The following TNR variants were observed in gnomAD, a reference collection of about 807,000 sequenced individuals.
TNR encodes the protein tenascin R.
A neutral mutation model predicts 150.4 loss-of-function variants in TNR; 45 were observed. That is an observed-to-expected ratio of 0.30 (90% CI 0.24 to 0.38). TNR has a LOEUF of 0.38. Among genes scored for constraint, TNR ranks in the 10% least tolerant of loss-of-function variants. TNR has a pLI of 1.00. For missense variants in TNR, 1,544 were observed against 1,759.1 expected (o/e 0.88, Z 2.19); for synonymous variants, 687 against 678.4 (o/e 1.01, Z -0.20).
intron 8 of TNR, among the ~76,000 whole-genome samples, chr1:175,382,931 C>T (rs1652753494): frequency 6.6e-6 from 1 of 151,862 alleles, no homozygotes. Context: ...ATTATTGTCT[C>T]ACAGACTCAA....
At chr1:175,658,302 G>T (rs1555561) in intron 1 of TNR, among the ~76,000 whole-genome samples, 79,781 of 151,870 alleles carry the variant, frequency 0.53, 22,491 homozygotes, top group East Asian at 0.67. Context: ...GAGGCATGGG[G>T]CAGTTAAGCA....
At chr1:175,379,263 T>G (rs911095635) in intron 9 of TNR, among the ~76,000 whole-genome samples, 1 of 150,236 alleles carries the variant, frequency 6.7e-6, no homozygotes, top group African/African-American at 2.5e-5. Context: ...TTGCAATGGT[T>G]AAGATAATAG....
chr1:175,375,477 G>T (rs555324667), intron 9 of TNR, among the ~76,000 whole-genome samples: 1 of 90,190 alleles, frequency 1.1e-5, no homozygotes, highest in East Asian at 2.4e-4. Flanking sequence ...AGAGAATAAT[G>T]GGGGGGGAGT....
At chr1:175,512,355 C>T (rs1367731583) in intron 2 of TNR, among the ~76,000 whole-genome samples, 1 of 152,224 alleles carries the variant, frequency 6.6e-6, no homozygotes, top group Non-Finnish European at 1.5e-5. Flanking sequence ...TTATCAGACA[C>T]TCAAAGTCAC....
intron 1 of TNR, among the ~76,000 whole-genome samples, chr1:175,602,720 C>T (rs979580820): frequency 1.3e-5 from 2 of 152,212 alleles, no homozygotes; most frequent in African/African-American, 4.8e-5. Flanking sequence ...AAAGAAATCT[C>T]TATCAGTTAT....
chr1:175,491,210 G>T (rs1228415084), intron 2 of TNR, among the ~76,000 whole-genome samples: 1 of 152,224 alleles, frequency 6.6e-6, no homozygotes, highest in Non-Finnish European at 1.5e-5. Context: ...ACACACTGGG[G>T]CCTGTCAGAG....
intron 4 of TNR, among the ~76,000 whole-genome samples, chr1:175,399,113 G>T (rs1007923340): frequency 6.6e-6 from 1 of 152,176 alleles, no homozygotes; most frequent in Non-Finnish European, 1.5e-5. Context: ...TAATTCAGAC[G>T]ATCTTAATAG....
chr1:175,661,317 T>C (rs1395605288), intron 1 of TNR, among the ~76,000 whole-genome samples: 1 of 152,186 alleles, frequency 6.6e-6, no homozygotes, highest in East Asian at 1.9e-4. Context: ...ACTGTACCTG[T>C]CTGAATTCTT....
chr1:175,472,359 T>A (rs1008509855), intron 2 of TNR, among the ~76,000 whole-genome samples: 1 of 152,092 alleles, frequency 6.6e-6, no homozygotes, highest in Non-Finnish European at 1.5e-5. Context: ...TTAAAAAAAA[T>A]AAGCAGAAGG....
chr1:175,576,050 A>G (rs1027378289), intron 1 of TNR, among the ~76,000 whole-genome samples: 1 of 152,206 alleles, frequency 6.6e-6, no homozygotes, highest in African/African-American at 2.4e-5. Context: ...GCAGAAGGTA[A>G]TAACCCGTCA....
rs561611985 is a variant in TNR, at chr1:175,505,946, G to A, written c.-64+22323C>T. ...TCCCAGCTACTCGGGAGGCTGAGGC[G>A]AGAGGATCACTTGACTCCAGGAGGT... On this transcript the variant is annotated intron_variant, in intron 2 of 22. Transcript: ENST00000367674. 5.3e-5 allele frequency among the ~76,000 whole-genome samples: 8 copies of A among 152,282 alleles called. No homozygotes were observed. In the South Asian group the frequency reaches 8.3e-4, roughly 16 times the overall value.
chr1:175,554,273 G>A (rs923262410), intron 1 of TNR, among the ~76,000 whole-genome samples: 3 of 149,098 alleles, frequency 2.0e-5, no homozygotes, highest in African/African-American at 7.5e-5. Context: ...TTGGGTTTGT[G>A]CATGAGTGCA....
chr1:175,641,874 A>G (rs1474041380), intron 1 of TNR, among the ~76,000 whole-genome samples: 4 of 152,220 alleles, frequency 2.6e-5, no homozygotes, highest in Non-Finnish European at 5.9e-5. Flanking sequence ...CTATCAGTAC[A>G]GGAAGAAAAT....
chr1:175,588,354 G>T (rs1379835914), intron 1 of TNR, among the ~76,000 whole-genome samples: 1 of 152,186 alleles, frequency 6.6e-6, no homozygotes, highest in Non-Finnish European at 1.5e-5. Flanking sequence ...CCTTCATTCT[G>T]CATGTGTCTT....
At chr1:175,406,980 C>T (rs151058553) in intron 2 of TNR, among the ~76,000 whole-genome samples, 1 of 152,336 alleles carries the variant, frequency 6.6e-6, no homozygotes. Flanking sequence ...GACACTGCTT[C>T]TGCATACTAT....
intron 1 of TNR, among the ~76,000 whole-genome samples, chr1:175,645,988 C>T (rs1384702003): frequency 6.6e-6 from 1 of 152,050 alleles, no homozygotes; most frequent in Non-Finnish European, 1.5e-5. Context: ...CTAAGGGCCA[C>T]AAGAAAGGAT....
intron 1 of TNR, among the ~76,000 whole-genome samples, chr1:175,658,513 C>A (rs985567371): frequency 6.6e-6 from 1 of 152,180 alleles, no homozygotes; most frequent in Non-Finnish European, 1.5e-5. Context: ...GCTGCTAAAT[C>A]ATGGGCTGCA....
intron 1 of TNR, among the ~76,000 whole-genome samples, chr1:175,585,097 A>G (rs1159625014): frequency 6.6e-6 from 1 of 152,248 alleles, no homozygotes; most frequent in Non-Finnish European, 1.5e-5. Context: ...GCCTTAACTC[A>G]TGTCAACCCA....
intron 18 of TNR, among the ~76,000 whole-genome samples, chr1:175,350,041 A>G (rs929825296): frequency 2.0e-5 from 3 of 152,224 alleles, no homozygotes; most frequent in African/African-American, 7.2e-5. Context: ...TAGAATATCT[A>G]TCTGATAAGT....
Sources: allele counts gnomAD v4.1 joint callset (sites outside exome capture counted in the v4.1 genomes callset), GRCh38; gene constraint gnomAD v4.1.1; transcripts MANE v1.5; gene names NCBI Gene and HGNC (gene_info 2026-07-23, HGNC 2026-07-21).